The following MYOM2 variants were observed in gnomAD, a reference collection of about 807,000 sequenced individuals.
MYOM2 encodes the protein myomesin-2.
In MYOM2, 254 loss-of-function variants were observed where a neutral mutation model predicts 187.6. The observed-to-expected ratio is 1.35, with a 90% CI of 1.22 to 1.50. The LOEUF (loss-of-function observed/expected upper bound fraction) is 1.50, where lower values mean the gene tolerates loss of function less well. Among genes scored for constraint, MYOM2 ranks in the 40% most tolerant of loss-of-function variants. The probability of loss-of-function intolerance (pLI) is 0.00; values close to 1 mark genes in which losing one functional copy is unlikely to be tolerated. For synonymous variants in MYOM2, 981 were observed against 753.8 expected (o/e 1.30, Z -4.94); for missense variants, 2,796 against 1,924.0 (o/e 1.45, Z -8.48).
At chr8:2,104,032 G>A (rs1356588354) in intron 21 of MYOM2, among the ~76,000 whole-genome samples, 1 of 152,142 alleles carries the variant, frequency 6.6e-6, no homozygotes, top group Non-Finnish European at 1.5e-5. Flanking sequence ...GGATGAGAAG[G>A]AGAGCACTTT....
intron 35 of MYOM2, 189 bp from the exon 36 acceptor site, chr8:2,143,212 T>G: frequency 1.5e-6 from 1 of 671,066 alleles, no homozygotes; most frequent in East Asian, 2.7e-5. Flanking sequence ...TATCTCCTCA[T>G]CTACCTTCCC....
intron 1 of MYOM2, among the ~76,000 whole-genome samples, chr8:2,047,683 A>T (rs966458756): frequency 2.6e-5 from 4 of 152,330 alleles, no homozygotes; most frequent in East Asian, 1.9e-4. Context: ...CAGGGAATAC[A>T]TGTGGGGATA....
chr8:2,055,704 A>C (rs556259184), intron 3 of MYOM2, among the ~76,000 whole-genome samples: 15 of 152,272 alleles, frequency 9.9e-5, no homozygotes, highest in Admixed American at 8.5e-4. Flanking sequence ...CTGCTGGGGA[A>C]GCGCTGGTCC....
intron 18 of MYOM2, among the ~76,000 whole-genome samples, chr8:2,098,628 A>G (rs539389197): frequency 6.6e-6 from 1 of 152,268 alleles, no homozygotes; most frequent in East Asian, 1.9e-4. Context: ...GAAGGACTCA[A>G]TCACTTTGGG....
chr8:2,085,447 A>ATCTCTGTGTGGCCCCCCACTGTTG (rs1819789030), intron 14 of MYOM2, 57 bp downstream of exon 14: 2 of 1,341,456 alleles, frequency 1.5e-6, no homozygotes, highest in African/African-American at 4.6e-5. Flanking sequence ...CCCCACTGTC[A>ATCTCTGTGTGGCCCCCCACTGTTG]TGATCTCTGC....
intron 6 of MYOM2, among the ~76,000 whole-genome samples, chr8:2,064,210 C>G (rs1818939960): frequency 6.6e-6 from 1 of 152,192 alleles, no homozygotes. Context: ...GGGGGCAAAC[C>G]CTGGGAGGCA....
chr8:2,137,181 G>T (rs62480006), intron 32 of MYOM2, among the ~76,000 whole-genome samples: 6,528 of 151,432 alleles, frequency 0.043, 179 homozygotes, highest in African/African-American at 0.075. Flanking sequence ...AGACACATTT[G>T]AGTTAATGGT....
intron 32 of MYOM2, among the ~76,000 whole-genome samples, chr8:2,137,114 C>G (rs1234702770): frequency 6.6e-6 from 1 of 151,312 alleles, no homozygotes; most frequent in Non-Finnish European, 1.5e-5. Flanking sequence ...GTTTGAACAT[C>G]TTCGTCTATA....
chr8:2,109,422 A>G lies in MYOM2; in HGVS notation c.3071A>G (p.Tyr1024Cys). Residue 1024 changes from tyrosine (Y) to cysteine (C), a missense_variant, in exon 25 of 37, where the codon TAT (tyrosine) becomes TGT (cysteine). By Grantham distance (194) the Tyr-to-Cys change is radical (BLOSUM62 -2). Transcript: ENST00000262113. ...PTIPLKSELAYEIFDKGRVRF... is the reference protein window; with the variant it reads ...PTIPLKSELACEIFDKGRVRF... Reference sequence around the variant, plus strand: ...ATTCCTCTGAAATCGGAATTAGCTTATGAGATTTTTGATAAGGGGCGGGTT... The same window carrying G: ...ATTCCTCTGAAATCGGAATTAGCTTGTGAGATTTTTGATAAGGGGCGGGTT... 6 of 1,611,046 alleles carry G rather than the reference A, an allele frequency of 3.7e-6. No individual in the cohort carries two copies. The highest frequency in any genetic ancestry group is 4.2e-6 in the Non-Finnish European group (5 of 1,178,870).
At chr8:2,076,049 T>A in intron 10 of MYOM2, 92 bp from the exon 11 acceptor site, 1 of 1,252,508 alleles carries the variant, frequency 8.0e-7, no homozygotes, top group Non-Finnish European at 1.1e-6. Context: ...ATCAAGGGGA[T>A]AGAATTGGAG....
rs371806126 is a variant in MYOM2, at chr8:2,106,382, G to A, written c.2875G>A (p.Glu959Lys). Residue 959 changes from glutamate (E) to lysine (K), a missense_variant, in exon 22 of 37, where the codon GAA (glutamate) becomes AAA (lysine). Coordinates refer to ENST00000262113, the MANE Select transcript of MYOM2 (RefSeq NM_003970.4). ...TTCAGATGATGAGAGGTTTAAAATT[G>A]AAACCGTGGGGGATCAGTAAGTGAG... Reference protein sequence around the residue: ...EISDDERFKIETVGDHSKLYL... With the variant: ...EISDDERFKIKTVGDHSKLYL... 24 of 1,613,912 alleles carry A rather than the reference G, an allele frequency of 1.5e-5. No individual in the cohort carries two copies. The African/African-American group carries it at 2.3e-4, about 15-fold the overall frequency.
intron 23 of MYOM2, 30 bp downstream of exon 23, chr8:2,106,627 T>C (rs1199907192): frequency 2.6e-6 from 4 of 1,512,374 alleles, no homozygotes; most frequent in Non-Finnish European, 3.6e-6. Context: ...ACCTTGCCTG[T>C]TTTGGTTTTA....
At chr8:2,094,466 A>T (rs1796414309) in intron 17 of MYOM2, among the ~76,000 whole-genome samples, 1 of 152,172 alleles carries the variant, frequency 6.6e-6, no homozygotes, top group Non-Finnish European at 1.5e-5. Context: ...ATCCTGGCCA[A>T]CAAGGTGAAA....
intron 1 of MYOM2, among the ~76,000 whole-genome samples, chr8:2,047,479 G>A (rs529817630): frequency 3.3e-5 from 5 of 152,322 alleles, no homozygotes; most frequent in East Asian, 1.9e-4. Context: ...AGTCAAATGC[G>A]CAGAAGACTT....
chr8:2,070,711 A>T (rs1177238196), intron 8 of MYOM2, among the ~76,000 whole-genome samples: 2 of 152,126 alleles, frequency 1.3e-5, no homozygotes, highest in East Asian at 1.9e-4. Flanking sequence ...TGTGTTCACC[A>T]CCCGTGTTTG....
rs558194915 is a variant in MYOM2 at position 2,138,649 on chromosome 8, C to T, written c.3801-2074C>T. On this transcript the variant is annotated intron_variant, in intron 32 of 36. Coordinates refer to ENST00000262113, the MANE Select transcript of MYOM2 (RefSeq NM_003970.4). Reference sequence around the variant, plus strand: ...CCTGCCTTCTAAGGCGGCACGAACTCGCTCCCACATCGGCAACAGGTGAGG... The same window carrying T: ...CCTGCCTTCTAAGGCGGCACGAACTTGCTCCCACATCGGCAACAGGTGAGG... Among the ~76,000 whole-genome samples, 3 of 152,346 alleles carry T rather than the reference C, an allele frequency of 2.0e-5. No individual in the cohort carries two copies. In the South Asian group the frequency reaches 6.2e-4, roughly 32 times the overall value.
chr8:2,117,712 C>G (rs924124841), intron 27 of MYOM2, among the ~76,000 whole-genome samples, 173 bp from the exon 28 acceptor site: 2 of 151,980 alleles, frequency 1.3e-5, no homozygotes, highest in African/African-American at 4.8e-5. Context: ...GTTTCATCCT[C>G]CACAGCTATT....
At chr8:2,128,323 A>T (rs1200604468) in intron 31 of MYOM2, among the ~76,000 whole-genome samples, 1 of 151,952 alleles carries the variant, frequency 6.6e-6, no homozygotes, top group Non-Finnish European at 1.5e-5. Context: ...ATGAAAAATT[A>T]CTATTTAAAA....
intron 14 of MYOM2, among the ~76,000 whole-genome samples, chr8:2,089,685 A>T (rs963389989): frequency 4.6e-5 from 7 of 152,148 alleles, no homozygotes; most frequent in African/African-American, 1.7e-4. Context: ...ATCTTTCATT[A>T]TTTGCAGGTT....
Sources: gnomAD v4.1 joint callset for allele counts (sites outside exome capture counted in the v4.1 genomes callset) on GRCh38, gnomAD v4.1.1 for gene constraint, MANE v1.5 for transcripts, NCBI Gene and HGNC (gene_info 2026-07-23, HGNC 2026-07-21) for gene names.